Variants in MYO18B observed in about 807,000 individuals in gnomAD.
MYO18B encodes unconventional myosin-XVIIIb.
A neutral mutation model predicts 273.0 loss-of-function variants in MYO18B; 204 were observed. The ratio of observed to expected loss-of-function variants is 0.75; its 90% confidence interval spans 0.67 to 0.84. The LOEUF is 0.84. Ranked by LOEUF, MYO18B falls within the 40% of genes least tolerant of loss-of-function variation. MYO18B has a pLI of 0.00. For missense variants in MYO18B, 3,212 were observed against 3,287.6 expected (o/e 0.98, Z 0.56); for synonymous variants, 1,330 against 1,305.7 (o/e 1.02, Z -0.40).
chr22:25,868,583 C>A (rs1157696227), intron 22 of MYO18B, among the ~76,000 whole-genome samples, 198 bp downstream of exon 22: 1 of 152,114 alleles, frequency 6.6e-6, no homozygotes, highest in Admixed American at 6.5e-5. Context: ...GTTGAAATCA[C>A]ACTGGGAAAT....
chr22:25,940,961 G>A (rs774850665), intron 34 of MYO18B, among the ~76,000 whole-genome samples: 6 of 152,158 alleles, frequency 3.9e-5, no homozygotes, highest in Non-Finnish European at 7.3e-5. Context: ...TGCAGAATTC[G>A]AGCAGATCTG....
rs142333551 is a variant in MYO18B at position 25,961,766 on chromosome 22, T to G, written c.6156+6402T>G. The stretch of plus-strand genomic sequence containing the variant: ...CACCTGTTTCAGAGGCTGCACCTGT[T>G]GGGTTTTACCTGTTGGGACCTCATA... On this transcript the variant is annotated intron_variant, in intron 39 of 43. Coordinates refer to ENST00000335473, the MANE Select transcript of MYO18B (RefSeq NM_032608.7). Among the ~76,000 whole-genome samples, 1,207 of 152,322 alleles carry G rather than the reference T, an allele frequency of 7.9e-3. 45 individuals carry two copies. The highest frequency in any genetic ancestry group is 0.048 in the Admixed American group (729 of 15,304).
At chr22:25,961,377 C>G (rs2092916785) in intron 39 of MYO18B, among the ~76,000 whole-genome samples, 1 of 152,198 alleles carries the variant, frequency 6.6e-6, no homozygotes, top group Admixed American at 6.5e-5. Flanking sequence ...TGCCTCTCAT[C>G]CTCTTACCTG....
chr22:26,042,731 A>G, the MYO18B span, among the ~76,000 whole-genome samples: 2 of 152,212 alleles, frequency 1.3e-5, no homozygotes, highest in African/African-American at 4.8e-5. Flanking sequence ...TCATTCATTC[A>G]TTCATTTATG....
At chr22:26,025,824 A>T (rs1936198574) in intron 42 of MYO18B, among the ~76,000 whole-genome samples, 1 of 152,214 alleles carries the variant, frequency 6.6e-6, no homozygotes, top group Admixed American at 6.5e-5. Context: ...CCTCTGCATA[A>T]AAACCACGTC....
chr22:25,817,343 C>CTCTT (rs909156392), intron 12 of MYO18B, among the ~76,000 whole-genome samples: 17 of 148,052 alleles, frequency 1.1e-4, no homozygotes, highest in East Asian at 3.9e-4. Context: ...TTTCTTTTCT[C>CTCTT]TCTTTCTTTC....
chr22:25,828,327 T>C (rs761861364), intron 14 of MYO18B, among the ~76,000 whole-genome samples: 36 of 152,134 alleles, frequency 2.4e-4, no homozygotes, highest in Non-Finnish European at 3.7e-4. Flanking sequence ...ATGTGAATAA[T>C]CCCTGTTGTG....
intron 11 of MYO18B, among the ~76,000 whole-genome samples, chr22:25,797,300 G>A (rs561644155): frequency 9.2e-5 from 14 of 152,256 alleles, no homozygotes; most frequent in African/African-American, 3.4e-4. Context: ...TTGCTCATGT[G>A]GTTCCCTTTG....
intron 35 of MYO18B, among the ~76,000 whole-genome samples, chr22:25,946,923 G>C (rs73883004): frequency 6.6e-6 from 1 of 152,172 alleles, no homozygotes; most frequent in Non-Finnish European, 1.5e-5. Flanking sequence ...TATTGTCGAT[G>C]TATTATTTTG....
chr22:25,846,512 G>T (rs1315219764), intron 19 of MYO18B, among the ~76,000 whole-genome samples: 16 of 152,222 alleles, frequency 1.1e-4, no homozygotes, highest in Admixed American at 1.0e-3. Flanking sequence ...GCCTAAGCCT[G>T]TGCTGCTTGG....
chr22:25,970,341 A>T (rs1202040208), intron 39 of MYO18B, among the ~76,000 whole-genome samples: 1 of 152,178 alleles, frequency 6.6e-6, no homozygotes, highest in Admixed American at 6.5e-5. Flanking sequence ...CCAGTGGTTG[A>T]ATTATTTCCT....
At chr22:26,024,856 G>A (rs1197974525) in intron 42 of MYO18B, among the ~76,000 whole-genome samples, 2 of 152,214 alleles carry the variant, frequency 1.3e-5, no homozygotes, top group Non-Finnish European at 2.9e-5. Context: ...CATAGACTGG[G>A]TGGCTTATAA....
intron 39 of MYO18B, among the ~76,000 whole-genome samples, chr22:25,984,003 A>G (rs6004866): frequency 0.53 from 81,040 of 152,120 alleles, 22,781 homozygotes; most frequent in Non-Finnish European, 0.62. Context: ...TTTCTGAAAA[A>G]TGAAGTTGTC....
chr22:25,975,650 C>T (rs1320830154), intron 39 of MYO18B, among the ~76,000 whole-genome samples: 1 of 152,196 alleles, frequency 6.6e-6, no homozygotes, highest in Non-Finnish European at 1.5e-5. Context: ...TGTGATCACT[C>T]CAAAACATAT....
At chr22:25,779,662 G>A (rs955810380) in intron 8 of MYO18B, among the ~76,000 whole-genome samples, 1 of 152,204 alleles carries the variant, frequency 6.6e-6, no homozygotes, top group Non-Finnish European at 1.5e-5. Context: ...GAGATTATAG[G>A]ATTTTGCAAG....
intron 42 of MYO18B, among the ~76,000 whole-genome samples, chr22:26,021,490 T>G (rs1935813966): frequency 6.6e-6 from 1 of 152,200 alleles, no homozygotes; most frequent in African/African-American, 2.4e-5. Context: ...AGGGCCCTGG[T>G]GCTTCCCTCA....
chr22:25,876,003 C>CGTGTGTGTGTGTGT (rs4049349), intron 23 of MYO18B, among the ~76,000 whole-genome samples, 186 bp from the exon 24 acceptor site: 54 of 140,012 alleles, frequency 3.9e-4, no homozygotes, highest in African/African-American at 1.4e-3. Flanking sequence ...AAAGGAAGCC[C>CGTGTGTGTGTGTGT]GTGTGTGTGT....
chr22:25,923,829 G>A (rs1253622418), intron 34 of MYO18B, among the ~76,000 whole-genome samples: 1 of 152,108 alleles, frequency 6.6e-6, no homozygotes, highest in East Asian at 1.9e-4. Flanking sequence ...CCAACAGGTG[G>A]ATGTTTTTGA....
At chr22:25,894,055 A>ATTGAGCAT (rs1432217576) in intron 27 of MYO18B, among the ~76,000 whole-genome samples, 1 of 152,210 alleles carries the variant, frequency 6.6e-6, no homozygotes, top group Non-Finnish European at 1.5e-5. Context: ...AGTGGAAGTT[A>ATTGAGCAT]TTGAGCATTT....
Sources: gnomAD v4.1 joint callset for allele counts (sites outside exome capture counted in the v4.1 genomes callset) on GRCh38, gnomAD v4.1.1 for gene constraint, MANE v1.5 for transcripts, NCBI Gene and HGNC (gene_info 2026-07-23, HGNC 2026-07-21) for gene names.